The following ZFYVE28 variants were observed in gnomAD, a reference collection of about 807,000 sequenced individuals.
The protein encoded by ZFYVE28 is zinc finger FYVE-type containing 28.
A neutral mutation model predicts 82.1 loss-of-function variants in ZFYVE28; 40 were observed. The observed-to-expected ratio is 0.49, with a 90% CI of 0.38 to 0.63. ZFYVE28 has a LOEUF of 0.63. Among genes scored for constraint, ZFYVE28 ranks in the 30% least tolerant of loss-of-function variants. The pLI, the probability that ZFYVE28 is intolerant of heterozygous loss-of-function variation, is 0.00. For synonymous variants in ZFYVE28, 612 were observed against 546.1 expected, an observed-to-expected ratio of 1.12 and a Z score of -1.68; for missense variants, 1,321 against 1,242.1, an observed-to-expected ratio of 1.06 and a Z score of -0.96.
chr4:2,277,045 G>A (rs1002110453), intron 8 of ZFYVE28, among the ~76,000 whole-genome samples: 5 of 152,198 alleles, frequency 3.3e-5, no homozygotes, highest in South Asian at 2.1e-4. Context: ...GAACGGAGGC[G>A]GCAAGTACAT....
At chr4:2,319,606 C>A (rs545549040) in intron 7 of ZFYVE28, among the ~76,000 whole-genome samples, 55 of 152,294 alleles carry the variant, frequency 3.6e-4, no homozygotes, top group African/African-American at 1.2e-3. Flanking sequence ...CTTCACGTGG[C>A]CCCCGTCCCT....
At chr4:2,299,704 A>T (rs115959688) in intron 8 of ZFYVE28, among the ~76,000 whole-genome samples, 1,616 of 144,544 alleles carry the variant, frequency 0.011, 39 homozygotes, top group African/African-American at 0.04. Context: ...TCCAAGAGGC[A>T]GACAAAAAAC....
intron 6 of ZFYVE28, among the ~76,000 whole-genome samples, chr4:2,326,296 C>G (rs1034327272): frequency 2.6e-5 from 4 of 152,192 alleles, no homozygotes; most frequent in African/African-American, 9.7e-5. Context: ...TTCCCAACAC[C>G]ATTTATTGAA....
At chr4:2,315,012 G>A (rs1718003588) in intron 7 of ZFYVE28, among the ~76,000 whole-genome samples, 1 of 152,030 alleles carries the variant, frequency 6.6e-6, no homozygotes, top group African/African-American at 2.4e-5. Context: ...CTGAGGTCAA[G>A]GAATCCTCCT....
At chr4:2,308,678 AGAAAG>A (rs764828332) in intron 7 of ZFYVE28, among the ~76,000 whole-genome samples, 9,237 of 40,422 alleles carry the variant, frequency 0.23, 363 homozygotes, top group Non-Finnish European at 0.26. Flanking sequence ...AGAAAGAAAG[AGAAAG>A]AAAGAAAAGA....
At chr4:2,365,718 C>G (rs979917382) in intron 1 of ZFYVE28, among the ~76,000 whole-genome samples, 5 of 152,138 alleles carry the variant, frequency 3.3e-5, no homozygotes, top group Admixed American at 6.5e-5. Context: ...ACGGGGAGGA[C>G]GTCTCCCAGG....
intron 7 of ZFYVE28, among the ~76,000 whole-genome samples, chr4:2,314,050 T>A (rs1331022338): frequency 6.6e-6 from 1 of 152,222 alleles, no homozygotes; most frequent in African/African-American, 2.4e-5. Context: ...TATATTTCTG[T>A]TATTTGCTTT....
chr4:2,272,526 A>C (rs1560122816), intron 10 of ZFYVE28, among the ~76,000 whole-genome samples: 2 of 152,186 alleles, frequency 1.3e-5, no homozygotes, highest in African/African-American at 4.8e-5. Context: ...ACATGTGTGC[A>C]TGTGTGTGGG....
chr4:2,361,479 C>T (rs1726146468), intron 1 of ZFYVE28, among the ~76,000 whole-genome samples: 1 of 152,158 alleles, frequency 6.6e-6, no homozygotes, highest in Admixed American at 6.5e-5. Flanking sequence ...TGCAGTGTTT[C>T]CCAGCAGTTA....
At chr4:2,385,937 C>A (rs1000174328) in intron 1 of ZFYVE28, among the ~76,000 whole-genome samples, 1 of 152,192 alleles carries the variant, frequency 6.6e-6, no homozygotes, top group African/African-American at 2.4e-5. Flanking sequence ...CTTTGAGGGT[C>A]CCCTACAAGC....
intron 1 of ZFYVE28, among the ~76,000 whole-genome samples, chr4:2,388,094 C>T (rs958538881): frequency 7.9e-5 from 12 of 152,256 alleles, no homozygotes; most frequent in Non-Finnish European, 1.8e-4. Context: ...TAATGCAGCA[C>T]TCATCCAAGG....
chr4:2,298,081 A>C (rs1279173336), intron 8 of ZFYVE28, among the ~76,000 whole-genome samples: 2 of 148,382 alleles, frequency 1.3e-5, no homozygotes, highest in Admixed American at 1.3e-4. Flanking sequence ...GGAACGGCAG[A>C]GGACGAGTGG....
chr4:2,309,252 C>T (rs755224713), intron 7 of ZFYVE28, among the ~76,000 whole-genome samples: 29 of 152,304 alleles, frequency 1.9e-4, no homozygotes, highest in Middle Eastern at 6.8e-3. Context: ...TTCTCTGCCA[C>T]GTTATGACAG....
At chr4:2,359,295 T>A (rs1725790252) in intron 1 of ZFYVE28, among the ~76,000 whole-genome samples, 1 of 151,994 alleles carries the variant, frequency 6.6e-6, no homozygotes, top group Admixed American at 6.6e-5. Context: ...CCAGCCAATT[T>A]TTGTATTTTT....
chr4:2,379,900 G>A (rs947515081), intron 1 of ZFYVE28, among the ~76,000 whole-genome samples: 2 of 151,902 alleles, frequency 1.3e-5, no homozygotes, highest in Non-Finnish European at 2.9e-5. Flanking sequence ...CAATTCTTGT[G>A]CCTCAGCCTC....
chr4:2,276,878 T>A (rs1736506898), intron 8 of ZFYVE28, among the ~76,000 whole-genome samples: 1 of 151,726 alleles, frequency 6.6e-6, no homozygotes, highest in South Asian at 2.1e-4. Flanking sequence ...GTTGCGGAGA[T>A]GATGTTGGTG....
chr4:2,378,053 T>A (rs1427263165), intron 1 of ZFYVE28, among the ~76,000 whole-genome samples: 1 of 152,152 alleles, frequency 6.6e-6, no homozygotes, highest in Non-Finnish European at 1.5e-5. Flanking sequence ...ACGGTTATCC[T>A]AACAGGCTGG....
chr4:2,351,506 G>C (rs538845676), intron 2 of ZFYVE28, among the ~76,000 whole-genome samples: 1 of 152,302 alleles, frequency 6.6e-6, no homozygotes, highest in East Asian at 1.9e-4. Flanking sequence ...TTGAGTTCAG[G>C]AGTTTGAGAC....
chr4:2,337,064 A>AGTG (rs1321422094), intron 5 of ZFYVE28, among the ~76,000 whole-genome samples: 2 of 148,132 alleles, frequency 1.4e-5, no homozygotes, highest in Non-Finnish European at 3.0e-5. Context: ...GGGGGTGAGG[A>AGTG]AGGTGACAAG....
Sources: gnomAD v4.1 joint callset for allele counts (sites outside exome capture counted in the v4.1 genomes callset) on GRCh38, gnomAD v4.1.1 for gene constraint, MANE v1.5 for transcripts, NCBI Gene and HGNC (gene_info 2026-07-23, HGNC 2026-07-21) for gene names.